The following ANKS1B variants were observed in gnomAD, a reference collection of about 807,000 sequenced individuals.
The protein encoded by ANKS1B is ankyrin repeat and sterile alpha motif domain containing 1B, also known as ankyrin repeat and sterile alpha motif domain-containing protein 1B.
Under a neutral mutation model 148.3 loss-of-function variants are expected in ANKS1B, and 36 were observed. That is an observed-to-expected ratio of 0.24 (90% CI 0.19 to 0.32). The LOEUF (loss-of-function observed/expected upper bound fraction) is 0.32. Among genes scored for constraint, ANKS1B ranks in the 10% least tolerant of loss-of-function variants. The pLI is 1.00. For missense variants in ANKS1B, 1,157 were observed against 1,542.6 expected, an observed-to-expected ratio of 0.75 and a Z score of 4.19; for synonymous variants, 542 against 560.8, an observed-to-expected ratio of 0.97 and a Z score of 0.47.
chr12:98,816,547 C>T (rs1345865849), intron 19 of ANKS1B, among the ~76,000 whole-genome samples: 6 of 152,196 alleles, frequency 3.9e-5, no homozygotes, highest in Non-Finnish European at 7.4e-5. Context: ...TCGCCTCGGC[C>T]TCCCAAAGTA....
intron 9 of ANKS1B, among the ~76,000 whole-genome samples, chr12:99,542,044 C>T (rs1299159745): frequency 6.6e-6 from 1 of 152,136 alleles, no homozygotes; most frequent in Non-Finnish European, 1.5e-5. Context: ...TTCCATTCAA[C>T]ATTGTACTGA....
chr12:99,781,817 C>G (rs1009182803), intron 5 of ANKS1B, among the ~76,000 whole-genome samples: 8 of 152,222 alleles, frequency 5.3e-5, no homozygotes, highest in African/African-American at 1.4e-4. Flanking sequence ...CTTAAAACAT[C>G]TATTGCATAA....
At chr12:99,043,090 A>C (rs896572158) in intron 17 of ANKS1B, among the ~76,000 whole-genome samples, 2 of 152,200 alleles carry the variant, frequency 1.3e-5, no homozygotes, top group African/African-American at 4.8e-5. Flanking sequence ...TTTGAGGGTA[A>C]AGACTAAAAT....
intron 17 of ANKS1B, among the ~76,000 whole-genome samples, chr12:98,863,506 T>A (rs1404813852): frequency 6.6e-6 from 1 of 152,240 alleles, no homozygotes; most frequent in Non-Finnish European, 1.5e-5. Flanking sequence ...TGGCAACAAA[T>A]TTTTTAATTG....
intron 11 of ANKS1B, among the ~76,000 whole-genome samples, chr12:99,430,183 T>C (rs1380741253): frequency 2.0e-5 from 3 of 152,138 alleles, no homozygotes; most frequent in Middle Eastern, 3.4e-3. Flanking sequence ...GTGATAAATA[T>C]AGAAGATAAA....
At chr12:99,970,640 A>G (rs1008189817) in intron 1 of ANKS1B, among the ~76,000 whole-genome samples, 4 of 152,196 alleles carry the variant, frequency 2.6e-5, no homozygotes, top group African/African-American at 9.6e-5. Flanking sequence ...TCCATGCTCC[A>G]TATCAAACTA....
At chr12:99,471,343 T>C (rs889747312) in intron 10 of ANKS1B, among the ~76,000 whole-genome samples, 3 of 152,026 alleles carry the variant, frequency 2.0e-5, no homozygotes, top group African/African-American at 7.2e-5. Context: ...AGTCCAAAAG[T>C]ACCTAGTTAT....
intron 16 of ANKS1B, among the ~76,000 whole-genome samples, chr12:99,082,044 T>C (rs1048174476): frequency 6.6e-6 from 1 of 152,066 alleles, no homozygotes; most frequent in African/African-American, 2.4e-5. Context: ...CCATAAAATC[T>C]CAGAGGAAAG....
At chr12:98,912,389 C>T (rs1452374674) in intron 17 of ANKS1B, among the ~76,000 whole-genome samples, 1 of 152,176 alleles carries the variant, frequency 6.6e-6, no homozygotes, top group Non-Finnish European at 1.5e-5. Context: ...TCTTTCCATG[C>T]TAACTCCAGT....
chr12:99,578,712 T>C (rs1023344152), intron 9 of ANKS1B, among the ~76,000 whole-genome samples: 4 of 152,048 alleles, frequency 2.6e-5, no homozygotes, highest in Non-Finnish European at 5.9e-5. Context: ...CATAAACATA[T>C]GGAAAAACAT....
chr12:99,178,899 T>C (rs1337973010), intron 14 of ANKS1B, among the ~76,000 whole-genome samples: 1 of 152,166 alleles, frequency 6.6e-6, no homozygotes, highest in African/African-American at 2.4e-5. Flanking sequence ...AGATATCTCT[T>C]CAACTCACCC....
chr12:98,984,674 A>G (rs1020912811), intron 17 of ANKS1B, among the ~76,000 whole-genome samples: 1 of 152,212 alleles, frequency 6.6e-6, no homozygotes, highest in East Asian at 1.9e-4. Flanking sequence ...CACTGACAGC[A>G]TTCTCAAAGC....
At chr12:99,654,958 CA>C (rs2098443159) in intron 9 of ANKS1B, 108 bp downstream of exon 9, 1 of 1,269,452 alleles carries the variant, frequency 7.9e-7, no homozygotes, top group African/African-American at 1.5e-5. Context: ...TCCAAAATCA[CA>C]AAGTGAACAA....
intron 25 of ANKS1B, among the ~76,000 whole-genome samples, chr12:98,759,477 C>G (rs1315179544): frequency 2.0e-5 from 3 of 152,158 alleles, no homozygotes; most frequent in Non-Finnish European, 4.4e-5. Context: ...GTCCCCGAGG[C>G]TATACGCAGC....
intron 17 of ANKS1B, among the ~76,000 whole-genome samples, chr12:98,972,588 C>T (rs185280576): frequency 1.4e-4 from 21 of 152,202 alleles, no homozygotes; most frequent in Non-Finnish European, 2.6e-4. Flanking sequence ...TCAGGGCTTC[C>T]GACGCCACTT....
chr12:99,223,200 A>T (rs938838939), intron 14 of ANKS1B, among the ~76,000 whole-genome samples: 5 of 152,158 alleles, frequency 3.3e-5, no homozygotes, highest in Non-Finnish European at 7.3e-5. Flanking sequence ...GCTACCATTT[A>T]AATCTAGGTT....
chr12:99,796,500 G>A (rs1367126664), intron 4 of ANKS1B, among the ~76,000 whole-genome samples: 1 of 151,890 alleles, frequency 6.6e-6, no homozygotes, highest in Non-Finnish European at 1.5e-5. Context: ...AGCAGATGGA[G>A]CAAACCTGGG....
exon 10 of ANKS1B, chr12:98,735,268 A>C (rs893640468): frequency 6.0e-5 from 24 of 399,544 alleles, no homozygotes; most frequent in Admixed American, 2.2e-4. Flanking sequence ...ATTACATTGG[A>C]CTTCATATAT....
At chr12:99,154,758 G>A (rs1474573240) in intron 14 of ANKS1B, 1 of 1,443,664 alleles carries the variant, frequency 6.9e-7, no homozygotes. Flanking sequence ...ACTCCACAAT[G>A]AGCAATGCAC....
Sources: gnomAD v4.1 joint callset for allele counts (sites outside exome capture counted in the v4.1 genomes callset) on GRCh38, gnomAD v4.1.1 for gene constraint, MANE v1.5 for transcripts, NCBI Gene and HGNC (gene_info 2026-07-23, HGNC 2026-07-21) for gene names.